The following NALCN variants were observed in gnomAD, a reference collection of about 807,000 sequenced individuals.
NALCN encodes the protein sodium leak channel, non-selective, also known as sodium leak channel NALCN.
In NALCN, 111 loss-of-function variants were observed where a neutral mutation model predicts 225.3. The observed-to-expected ratio is 0.49, with a 90% CI of 0.42 to 0.58. The LOEUF is 0.58. Ranked by LOEUF, NALCN falls within the 20% of genes least tolerant of loss-of-function variation. NALCN has a pLI of 0.00. For synonymous variants in NALCN, 764 were observed against 769.0 expected (o/e 0.99, Z 0.11); for missense variants, 1,378 against 2,202.4 (o/e 0.63, Z 7.49).
intron 30 of NALCN, among the ~76,000 whole-genome samples, chr13:101,088,848 T>C (rs539709645): frequency 6.6e-6 from 1 of 152,288 alleles, no homozygotes; most frequent in South Asian, 2.1e-4. Context: ...TCAACAGGCT[T>C]CCCGAGTTCA....
At chr13:101,133,593 T>C (rs2036619351) in intron 17 of NALCN, among the ~76,000 whole-genome samples, 1 of 152,236 alleles carries the variant, frequency 6.6e-6, no homozygotes, top group African/African-American at 2.4e-5. Flanking sequence ...CATTTGACTG[T>C]ATTTGAATTT....
intron 30 of NALCN, among the ~76,000 whole-genome samples, chr13:101,085,720 C>T (rs80225858): frequency 0.02 from 3,008 of 152,230 alleles, 45 homozygotes; most frequent in African/African-American, 0.039. Context: ...ACATTATTTG[C>T]TGCTTATCTG....
intron 15 of NALCN, among the ~76,000 whole-genome samples, chr13:101,172,583 G>A (rs1230696925): frequency 1.3e-5 from 2 of 151,900 alleles, no homozygotes; most frequent in African/African-American, 2.4e-5. Flanking sequence ...TATTTGAGAC[G>A]GAGTCTCGCT....
chr13:101,183,918 A>G (rs1190932351), intron 14 of NALCN, among the ~76,000 whole-genome samples: 1 of 152,166 alleles, frequency 6.6e-6, no homozygotes, highest in Non-Finnish European at 1.5e-5. Flanking sequence ...AGTTTGTACA[A>G]TGCTGTAAAA....
intron 11 of NALCN, among the ~76,000 whole-genome samples, chr13:101,245,401 T>A (rs956654206): frequency 1.3e-5 from 2 of 152,174 alleles, no homozygotes. Context: ...TGTTTCCCAA[T>A]CTTTTTTTAA....
At chr13:101,153,151 A>G (rs544933520) in intron 15 of NALCN, among the ~76,000 whole-genome samples, 17 of 152,220 alleles carry the variant, frequency 1.1e-4, no homozygotes, top group Non-Finnish European at 1.6e-4. Flanking sequence ...GTTCAGTTTT[A>G]TAATCTCTTC....
chr13:101,272,823 G>C (rs1244645990), intron 10 of NALCN, among the ~76,000 whole-genome samples: 1 of 152,162 alleles, frequency 6.6e-6, no homozygotes, highest in Admixed American at 6.5e-5. Flanking sequence ...TTTGTGGGAA[G>C]GTTCACGAAG....
intron 18 of NALCN, among the ~76,000 whole-genome samples, chr13:101,117,322 T>A (rs2035766460): frequency 6.6e-6 from 1 of 152,186 alleles, no homozygotes; most frequent in South Asian, 2.1e-4. Context: ...AATTTCAGCA[T>A]AAAAAATGTC....
intron 20 of NALCN, among the ~76,000 whole-genome samples, chr13:101,109,775 G>A (rs898447497): frequency 2.6e-5 from 4 of 151,978 alleles, no homozygotes; most frequent in African/African-American, 9.7e-5. Flanking sequence ...TTTTTTTCAT[G>A]TCTCCTTCAT....
At chr13:101,385,007 C>A (rs1335789740) in intron 3 of NALCN, among the ~76,000 whole-genome samples, 2 of 152,196 alleles carry the variant, frequency 1.3e-5, no homozygotes, top group Non-Finnish European at 2.9e-5. Context: ...TATTCAAACA[C>A]AAATCAGATT....
At position 101,229,402 on chromosome 13, in the gene NALCN, C is replaced by A; in HGVS notation, c.1617G>T (p.Thr539=). 1 of 1,558,942 alleles carries A rather than the reference C, an allele frequency of 6.4e-7. No individual in the cohort carries two copies. The highest frequency in any genetic ancestry group is 1.4e-5 in the African/African-American group (1 of 72,584). ...CFVEELDRFT[T]FPRAFMSMFQ... is the part of the protein sequence containing the mutation. ...TTTTTAAAACTCTTACCCTCGGAAA[C>A]GTAGTAAATCTGTCCAGTTCTTCGA... Residue 539 remains threonine, a synonymous_variant, in exon 13 of 44, where the codon ACG becomes ACT. Coordinates refer to ENST00000251127, the MANE Select transcript of NALCN (RefSeq NM_052867.4).
upstream of NALCN, among the ~76,000 whole-genome samples, chr13:101,416,829 C>A (rs1030852683): frequency 9.9e-5 from 15 of 152,038 alleles, no homozygotes; most frequent in African/African-American, 3.6e-4. Context: ...GCCGGGCACA[C>A]GCGGGGTACA....
Position 101,245,805 on chromosome 13 carries a change from C to T in NALCN, c.1267-7883G>A, listed in dbSNP as rs529971191. On this transcript the variant is annotated intron_variant, in intron 11 of 43. Coordinates refer to ENST00000251127, the MANE Select transcript of NALCN (RefSeq NM_052867.4). ...AGGGGCTACTCCCTTTGCAAACCCC[C>T]ACCTTTTCTGTGCGGCAGATGGATA... 2.6e-5 allele frequency among the ~76,000 whole-genome samples: 4 copies of T among 152,282 alleles called. No individual in the cohort carries two copies. The South Asian group carries it at 8.3e-4, about 32-fold the overall frequency.
At chr13:101,308,354 A>C (rs1484752904) in intron 7 of NALCN, among the ~76,000 whole-genome samples, 3 of 151,890 alleles carry the variant, frequency 2.0e-5, no homozygotes, top group Non-Finnish European at 4.4e-5. Flanking sequence ...ATCTACAAAA[A>C]CTCCTTCCCT....
intron 13 of NALCN, among the ~76,000 whole-genome samples, chr13:101,222,278 A>G (rs1486381345): frequency 1.3e-5 from 2 of 152,118 alleles, no homozygotes; most frequent in South Asian, 2.1e-4. Flanking sequence ...CTCACAGTCT[A>G]CAAGATATGG....
chr13:101,059,646 A>G (rs912002726), intron 42 of NALCN, among the ~76,000 whole-genome samples, 172 bp downstream of exon 42: 2 of 150,656 alleles, frequency 1.3e-5, no homozygotes, highest in Admixed American at 6.6e-5. Flanking sequence ...AGACATAGAC[A>G]TAATCTGGAT....
Position 101,270,276 on chromosome 13 carries a change from G to C in NALCN, c.1135-11702C>G, listed in dbSNP as rs568755174. ...GAGAAGTCAGGAAGGACTACAATAG[G>C]GCTGCTAGACAGGTGACACGACGCC... On this transcript the variant is annotated intron_variant, in intron 10 of 43. Coordinates refer to ENST00000251127, the MANE Select transcript of NALCN (RefSeq NM_052867.4). Among the ~76,000 whole-genome samples the C allele has an allele frequency of 3.5e-4, 53 of 152,052 alleles. No individual in the cohort carries two copies. The South Asian group carries it at 0.011, about 30-fold the overall frequency.
Position 101,111,231 on chromosome 13 carries a change from G to GAAAAAAA in NALCN, c.2193-12_2193-6dup. ...ATGCGCTGTCGGGTGCAAGCTCTAG[G>GAAAAAAA]AAAAAAAAAGGAGCCCAAGATAAAT... On this transcript the variant is annotated splice_region_variant and splice_polypyrimidine_tract_variant and intron_variant, in intron 18 of 43. Coordinates refer to ENST00000251127, the MANE Select transcript of NALCN (RefSeq NM_052867.4). The GAAAAAAA allele has an allele frequency of 1.3e-6, 2 of 1,552,854 alleles. No homozygotes were observed. The highest frequency in any genetic ancestry group is 1.8e-5 in the Admixed American group (1 of 56,032).
At chr13:101,094,207 C>T (rs554977094) in intron 28 of NALCN, among the ~76,000 whole-genome samples, 6 of 152,266 alleles carry the variant, frequency 3.9e-5, no homozygotes, top group African/African-American at 1.4e-4. Context: ...ATGATGTGGC[C>T]CTAGGCAGTG....
Sources: allele counts gnomAD v4.1 joint callset (sites outside exome capture counted in the v4.1 genomes callset), GRCh38; gene constraint gnomAD v4.1.1; transcripts MANE v1.5; gene names NCBI Gene and HGNC (gene_info 2026-07-23, HGNC 2026-07-21).